The following CSMD1 variants were observed in gnomAD, a reference collection of about 807,000 sequenced individuals.
The protein encoded by CSMD1 is CUB and Sushi multiple domains 1, also known as CUB and sushi domain-containing protein 1.
In CSMD1, 213 loss-of-function variants were observed where a neutral mutation model predicts 417.5. The observed-to-expected ratio is 0.51, with a 90% CI of 0.46 to 0.57. CSMD1 has a LOEUF of 0.57. CSMD1 is among the 20% of genes least tolerant of loss of function. The probability of loss-of-function intolerance (pLI) is 0.00; values close to 1 mark genes in which losing one functional copy is unlikely to be tolerated. For missense variants in CSMD1, 6,923 were observed against 4,529.7 expected (o/e 1.53, Z -15.17); for synonymous variants, 2,862 against 1,736.8 (o/e 1.65, Z -16.11).
intron 1 of CSMD1, among the ~76,000 whole-genome samples, chr8:4,680,958 G>C (rs1316707883): frequency 8.9e-6 from 1 of 112,320 alleles, no homozygotes; most frequent in Non-Finnish European, 1.8e-5. Flanking sequence ...TGATGTGTGT[G>C]TGTGTGTGTG....
chr8:4,254,431 G>C (rs561389567), intron 3 of CSMD1, among the ~76,000 whole-genome samples: 3 of 152,260 alleles, frequency 2.0e-5, no homozygotes, highest in East Asian at 1.9e-4. Context: ...TTAGATTATA[G>C]TGGAGCTGAA....
At chr8:3,619,140 T>G (rs939004323) in intron 7 of CSMD1, among the ~76,000 whole-genome samples, 22 of 146,418 alleles carry the variant, frequency 1.5e-4, no homozygotes, top group African/African-American at 5.5e-4. Context: ...AATGAGAAGA[T>G]GAGGTTAGAT....
At chr8:4,255,149 T>G (rs1280757765) in intron 3 of CSMD1, among the ~76,000 whole-genome samples, 1 of 152,210 alleles carries the variant, frequency 6.6e-6, no homozygotes, top group Non-Finnish European at 1.5e-5. Context: ...TTAAAAGAGA[T>G]GATACATAGA....
rs550715832 is a variant in CSMD1 at position 3,565,275 on chromosome 8, G to A, written c.1344+9670C>T. Among the ~76,000 whole-genome samples the A allele has an allele frequency of 2.0e-5, 3 of 151,618 alleles. No individual in the cohort carries two copies. The South Asian group carries it at 6.3e-4, about 32-fold the overall frequency. Reference sequence around the variant, plus strand: ...AAGATGAACTAAGGGATCTGTCAAAGCAAGTTGGCCAGGCGTCCTCCTTTC... The same window carrying A: ...AAGATGAACTAAGGGATCTGTCAAAACAAGTTGGCCAGGCGTCCTCCTTTC... On this transcript the variant is annotated intron_variant, in intron 10 of 69. Transcript: ENST00000635120.
chr8:4,636,382 G>A (rs377411845), intron 2 of CSMD1, among the ~76,000 whole-genome samples: 1 of 152,094 alleles, frequency 6.6e-6, no homozygotes, highest in Non-Finnish European at 1.5e-5. Context: ...TAGATCAAAA[G>A]AGAAAACAAA....
At chr8:4,307,002 G>C (rs1468628665) in intron 3 of CSMD1, among the ~76,000 whole-genome samples, 1 of 151,958 alleles carries the variant, frequency 6.6e-6, no homozygotes, top group Admixed American at 6.6e-5. Context: ...CACCGCCCTG[G>C]TTCAGCCCCT....
Position 4,461,387 on chromosome 8 carries a change from C to G in CSMD1, c.303-41322G>C, listed in dbSNP as rs118169532. ...GGCAGTGATGCAGGAAATTTAAAGGCATAAAGATAGGTAAAGAAGATAAAA... is the reference window on the plus strand; with the variant it reads ...GGCAGTGATGCAGGAAATTTAAAGGGATAAAGATAGGTAAAGAAGATAAAA... On this transcript the variant is annotated intron_variant, in intron 2 of 69. Coordinates refer to ENST00000635120, the MANE Select transcript of CSMD1 (RefSeq NM_033225.6). 1.8e-4 allele frequency among the ~76,000 whole-genome samples: 27 copies of G among 150,836 alleles called. 1 individual carries two copies. In the East Asian group the frequency reaches 5.0e-3, roughly 28 times the overall value.
rs768096178 is a variant in CSMD1 at position 4,994,442 on chromosome 8, G to A, written c.-26C>T. ...GTCTGCAGATACTCCACACGCACGC[G>A]ACACCGATGGCTCCTCCGAGGAAGG... On this transcript the variant is annotated 5_prime_UTR_variant, in exon 1 of 70. Transcript: ENST00000635120. The A allele has an allele frequency of 3.1e-6, 5 of 1,592,440 alleles. No homozygotes were observed. In the African/African-American group the frequency reaches 5.4e-5, roughly 17 times the overall value.
At chr8:4,659,291 A>C (rs188526038) in intron 1 of CSMD1, among the ~76,000 whole-genome samples, 54 of 152,262 alleles carry the variant, frequency 3.5e-4, no homozygotes, top group African/African-American at 1.3e-3. Flanking sequence ...CACCCTAACT[A>C]TACAACTGAA....
At chr8:3,637,643 A>G (rs1049459670) in intron 7 of CSMD1, among the ~76,000 whole-genome samples, 6 of 152,186 alleles carry the variant, frequency 3.9e-5, no homozygotes, top group South Asian at 2.1e-4. Flanking sequence ...ATTAAAGTCT[A>G]TGATTCAATC....
intron 2 of CSMD1, among the ~76,000 whole-genome samples, chr8:4,440,082 C>G (rs187467272): frequency 1.3e-5 from 2 of 152,200 alleles, no homozygotes; most frequent in East Asian, 1.9e-4. Flanking sequence ...CTGTTTTTAA[C>G]TGTGTTAGGA....
chr8:3,290,783 T>A (rs1244694997), intron 25 of CSMD1, among the ~76,000 whole-genome samples: 2 of 148,070 alleles, frequency 1.4e-5, no homozygotes, highest in East Asian at 2.0e-4. Flanking sequence ...AGGGACAATT[T>A]GACTTCCTCT....
At chr8:4,954,059 C>G (rs780238662) in intron 1 of CSMD1, among the ~76,000 whole-genome samples, 2 of 152,138 alleles carry the variant, frequency 1.3e-5, no homozygotes, top group Non-Finnish European at 2.9e-5. Flanking sequence ...TTTTCTTTCT[C>G]CAAATTCATA....
At chr8:4,918,075 G>A (rs769951904) in intron 1 of CSMD1, among the ~76,000 whole-genome samples, 5 of 138,242 alleles carry the variant, frequency 3.6e-5, no homozygotes, top group Non-Finnish European at 7.7e-5. Context: ...CTCTGATTAT[G>A]AGTTAGCAAT....
chr8:4,626,662 G>C (rs1248034190), intron 2 of CSMD1, among the ~76,000 whole-genome samples: 1 of 152,096 alleles, frequency 6.6e-6, no homozygotes, highest in Admixed American at 6.6e-5. Flanking sequence ...CTGAGGAAGA[G>C]CTCTGCAGTG....
intron 4 of CSMD1, among the ~76,000 whole-genome samples, chr8:4,009,503 C>T (rs1316730682): frequency 6.6e-6 from 1 of 152,092 alleles, no homozygotes; most frequent in Non-Finnish European, 1.5e-5. Context: ...GTTTACCAAG[C>T]ATTTATAATA....
At chr8:3,421,798 C>A (rs925344565) in intron 12 of CSMD1, among the ~76,000 whole-genome samples, 1 of 152,140 alleles carries the variant, frequency 6.6e-6, no homozygotes, top group Non-Finnish European at 1.5e-5. Flanking sequence ...ACACCATGCC[C>A]AGGTAATTCT....
chr8:4,176,683 C>G (rs1490775817), intron 3 of CSMD1, among the ~76,000 whole-genome samples: 2 of 150,856 alleles, frequency 1.3e-5, no homozygotes, highest in South Asian at 2.1e-4. Context: ...TTCAGGAAAG[C>G]CATCTCACGT....
chr8:3,457,833 G>A (rs1816255181), intron 12 of CSMD1, among the ~76,000 whole-genome samples: 2 of 152,128 alleles, frequency 1.3e-5, no homozygotes, highest in African/African-American at 4.8e-5. Context: ...CCGATGCAGG[G>A]ATCCCAGTGG....
Sources: gnomAD v4.1 joint callset for allele counts (sites outside exome capture counted in the v4.1 genomes callset) on GRCh38, gnomAD v4.1.1 for gene constraint, MANE v1.5 for transcripts, NCBI Gene and HGNC (gene_info 2026-07-23, HGNC 2026-07-21) for gene names.